SEMA6D: variants seen among roughly 807,000 people sequenced by gnomAD.
SEMA6D encodes semaphorin-6D.
A neutral mutation model predicts 106.6 loss-of-function variants in SEMA6D; 35 were observed. The ratio of observed to expected loss-of-function variants is 0.33; its 90% CI spans 0.25 to 0.44. The LOEUF (loss-of-function observed/expected upper bound fraction) is 0.44. Among genes scored for constraint, SEMA6D ranks in the 20% least tolerant of loss-of-function variants. SEMA6D has a pLI of 1.00. For missense variants in SEMA6D, 1,185 were observed against 1,345.9 expected, an observed-to-expected ratio of 0.88 and a Z score of 1.87; for synonymous variants, 499 against 487.7, an observed-to-expected ratio of 1.02 and a Z score of -0.31.
chr15:47,620,693 A>T (rs907504628), intron 4 of SEMA6D, among the ~76,000 whole-genome samples: 1 of 132,944 alleles, frequency 7.5e-6, no homozygotes, highest in African/African-American at 2.6e-5. Flanking sequence ...TTGCCTTTAA[A>T]ATATATATAT....
Position 47,771,000 on chromosome 15 carries a change from C to T in SEMA6D, c.2437C>T (p.Pro813Ser), listed in dbSNP as rs779542223. ...KETPQFFPSSPPPHSPLSHGH... is the reference protein window; with the variant it reads ...KETPQFFPSSSPPHSPLSHGH... ...AACCCCTCAGTTTTTTCCGTCTAGTCCGCCACCTCATTCCCCATTAAGTCA... is the reference window on the plus strand; with the variant it reads ...AACCCCTCAGTTTTTTCCGTCTAGTTCGCCACCTCATTCCCCATTAAGTCA... Residue 813 changes from proline (P) to serine (S), a missense_variant, in exon 19 of 19, where the codon CCG becomes TCG. Coordinates refer to ENST00000536845, the MANE Select transcript of SEMA6D (RefSeq NM_001358351.3). 1 of 1,614,100 alleles carries T rather than the reference C, an allele frequency of 6.2e-7. No individual in the cohort carries two copies. The highest frequency in any genetic ancestry group is 8.5e-7 in the Non-Finnish European group (1 of 1,180,004).
chr15:47,596,776 A>C (rs1326359341), intron 3 of SEMA6D, among the ~76,000 whole-genome samples: 1 of 152,134 alleles, frequency 6.6e-6, no homozygotes, highest in Non-Finnish European at 1.5e-5. Context: ...TACAAAAATA[A>C]AATCAAAATG....
chr15:47,239,404 C>A (rs1162351829), intron 1 of SEMA6D, among the ~76,000 whole-genome samples: 1 of 152,080 alleles, frequency 6.6e-6, no homozygotes, highest in Non-Finnish European at 1.5e-5. Context: ...CAAAACCATC[C>A]CCCAATCCCA....
At chr15:47,194,243 T>C (rs1195041414) in intron 1 of SEMA6D, among the ~76,000 whole-genome samples, 1 of 152,196 alleles carries the variant, frequency 6.6e-6, no homozygotes, top group Non-Finnish European at 1.5e-5. Flanking sequence ...ATGTCATATA[T>C]GTGTCACTAA....
In SEMA6D at chr15:47,766,128, C is replaced by A; in HGVS notation, c.1592C>A (p.Pro531Gln). ...CKKSCIASRD[P>Q]YCGWLSQGSC... Reference sequence around the variant, plus strand: ...AGGTCTTGTATTGCATCTCGTGACCCGTATTGTGGCTGGTTAAGCCAGGGA... The same window carrying A: ...AGGTCTTGTATTGCATCTCGTGACCAGTATTGTGGCTGGTTAAGCCAGGGA... The change falls in exon 15 of 19, where the codon CCG (proline) becomes CAG (glutamine). Residue 531 changes from proline to glutamine, a missense_variant. By Grantham distance (76) the Pro-to-Gln change is moderately conservative. This residue lies in a region of SEMA6D where 750 missense variants were observed against 783.5 expected (regional missense o/e 0.96). Coordinates refer to ENST00000536845, the MANE Select transcript of SEMA6D (RefSeq NM_001358351.3). 1 of 1,613,618 alleles carries A rather than the reference C, an allele frequency of 6.2e-7. No individual in the cohort carries two copies. Among genetic ancestry groups the A allele is most frequent in the Non-Finnish European group, 8.5e-7 (1 of 1,179,724 alleles).
chr15:47,456,536 T>C (rs890620032), intron 2 of SEMA6D, among the ~76,000 whole-genome samples: 1 of 152,006 alleles, frequency 6.6e-6, no homozygotes, highest in South Asian at 2.1e-4. Context: ...AATAAAGAAG[T>C]ACATATAATA....
chr15:47,575,755 C>A (rs1596347804), intron 3 of SEMA6D, among the ~76,000 whole-genome samples: 1 of 152,032 alleles, frequency 6.6e-6, no homozygotes, highest in South Asian at 2.1e-4. Context: ...TTGGTGCTTT[C>A]ACAGTAAGGG....
intron 1 of SEMA6D, chr15:47,184,442 T>G (rs1471588257): frequency 6.6e-6 from 1 of 152,306 alleles, no homozygotes; most frequent in Non-Finnish European, 1.5e-5. Flanking sequence ...TTTCTCTCCA[T>G]TTCTCCTCCG....
intron 3 of SEMA6D, 53 bp from the exon 4 acceptor site, chr15:47,760,925 C>G: frequency 2.0e-6 from 3 of 1,480,924 alleles, no homozygotes; most frequent in South Asian, 2.4e-5. Context: ...AAGGAAGCAG[C>G]TTAACATTTT....
At chr15:47,664,235 T>G (rs1268177525) in intron 4 of SEMA6D, among the ~76,000 whole-genome samples, 1 of 152,192 alleles carries the variant, frequency 6.6e-6, no homozygotes, top group Non-Finnish European at 1.5e-5. Context: ...CTTACTTTTT[T>G]AAGGTGCCTA....
chr15:47,569,786 C>A (rs184962488), intron 3 of SEMA6D, among the ~76,000 whole-genome samples: 1 of 152,086 alleles, frequency 6.6e-6, no homozygotes, highest in Non-Finnish European at 1.5e-5. Flanking sequence ...TGAGGCCAGG[C>A]GCAGTGGCTT....
intron 1 of SEMA6D, among the ~76,000 whole-genome samples, chr15:47,753,473 A>G (rs1027203405): frequency 6.6e-6 from 1 of 152,216 alleles, no homozygotes; most frequent in Non-Finnish European, 1.5e-5. Flanking sequence ...ATGATTGACC[A>G]TTGACAACCT....
At chr15:47,550,080 G>A (rs912766897) in intron 3 of SEMA6D, among the ~76,000 whole-genome samples, 2 of 152,156 alleles carry the variant, frequency 1.3e-5, no homozygotes, top group Admixed American at 1.3e-4. Context: ...TGTTGCTATG[G>A]TATGGTGCTT....
intron 2 of SEMA6D, among the ~76,000 whole-genome samples, chr15:47,426,360 T>C (rs1174412241): frequency 6.6e-6 from 1 of 152,094 alleles, no homozygotes; most frequent in Non-Finnish European, 1.5e-5. Flanking sequence ...GTCTAATGGG[T>C]CCTCGTTTTA....
At chr15:47,252,524 C>T (rs1304596470) in intron 1 of SEMA6D, among the ~76,000 whole-genome samples, 1 of 152,084 alleles carries the variant, frequency 6.6e-6, no homozygotes, top group Non-Finnish European at 1.5e-5. Context: ...TACTTTGTAC[C>T]CATTAACTTA....
chr15:47,579,238 T>C (rs957781167), intron 3 of SEMA6D, among the ~76,000 whole-genome samples: 10 of 151,420 alleles, frequency 6.6e-5, no homozygotes, highest in African/African-American at 2.4e-4. Flanking sequence ...ACCTCCTGGG[T>C]TCAAACGATT....
chr15:47,293,269 G>A (rs1032704050), intron 1 of SEMA6D, among the ~76,000 whole-genome samples: 2 of 152,150 alleles, frequency 1.3e-5, no homozygotes, highest in Non-Finnish European at 2.9e-5. Context: ...ACTGGAGAGA[G>A]CATCCTGCTC....
At chr15:47,648,767 A>G (rs2077628793) in intron 4 of SEMA6D, among the ~76,000 whole-genome samples, 2 of 152,164 alleles carry the variant, frequency 1.3e-5, no homozygotes, top group South Asian at 4.1e-4. Flanking sequence ...GCTCACATTT[A>G]TTTCAGTATT....
At chr15:47,352,070 A>G (rs2038348443) in intron 1 of SEMA6D, among the ~76,000 whole-genome samples, 1 of 152,214 alleles carries the variant, frequency 6.6e-6, no homozygotes, top group Non-Finnish European at 1.5e-5. Context: ...TTGCACATAA[A>G]TGTGGAAACT....
Sources: gnomAD v4.1 joint callset for allele counts (sites outside exome capture counted in the v4.1 genomes callset) on GRCh38, gnomAD v4.1.1 for gene constraint, gnomAD v4.1.1 regional missense constraint, MANE v1.5 for transcripts, NCBI Gene and HGNC (gene_info 2026-07-23, HGNC 2026-07-21) for gene names.